Variants in PTPRD observed in about 807,000 individuals in gnomAD.
PTPRD encodes receptor-type tyrosine-protein phosphatase delta.
In PTPRD, 34 loss-of-function variants were observed where a neutral mutation model predicts 214.5. The observed-to-expected ratio is 0.16, with a 90% confidence interval of 0.12 to 0.21. The LOEUF (loss-of-function observed/expected upper bound fraction) is 0.21, where lower values mean the gene tolerates loss of function less well. Ranked by LOEUF, PTPRD falls within the 10% of genes least tolerant of loss-of-function variation. The pLI is 1.00. For missense variants in PTPRD, 2,545 were observed against 2,398.7 expected (o/e 1.06, Z -1.27); for synonymous variants, 1,128 against 845.7 (o/e 1.33, Z -5.79).
At position 9,125,027 on chromosome 9, in the gene PTPRD, A is replaced by ACTGT. The variant is rs536519798; in HGVS notation, c.-143+58273_-143+58276dup. Among the ~76,000 whole-genome samples, 444 of 152,010 alleles carry ACTGT rather than the reference A, an allele frequency of 2.9e-3. 4 individuals are homozygous for ACTGT. The highest frequency in any genetic ancestry group is 9.9e-3 in the African/African-American group (411 of 41,456). On this transcript the variant is annotated intron_variant, in intron 10 of 45. Coordinates refer to ENST00000381196, the MANE Select transcript of PTPRD (RefSeq NM_002839.4). ...CTTCCTGCCATCCCTCCCTTCATCCACTGTCTATCCATTTTCTAGTATCAT... is the reference window on the plus strand; with the variant it reads ...CTTCCTGCCATCCCTCCCTTCATCCACTGTCTGTCTATCCATTTTCTAGTATCAT...
chr9:9,921,635 AT>A (rs142091370), intron 5 of PTPRD, among the ~76,000 whole-genome samples: 20,444 of 145,742 alleles, frequency 0.14, 2,385 homozygotes, highest in African/African-American at 0.33. Flanking sequence ...AAAAGCCCTG[AT>A]TTTTTTTTTT....
At chr9:9,947,374 TTA>T (rs1189365734) in intron 4 of PTPRD, among the ~76,000 whole-genome samples, 1,236 of 50,916 alleles carry the variant, frequency 0.024, 112 homozygotes, top group African/African-American at 0.096. Flanking sequence ...TATATATATA[TTA>T]TATATATTTT....
intron 7 of PTPRD, among the ~76,000 whole-genome samples, chr9:9,580,219 T>A (rs976457008): frequency 6.6e-6 from 1 of 152,182 alleles, no homozygotes; most frequent in African/African-American, 2.4e-5. Context: ...CCTTCGGGTA[T>A]ATATCAAGTA....
chr9:10,482,690 A>G (rs1202895124), intron 2 of PTPRD, among the ~76,000 whole-genome samples: 1 of 152,148 alleles, frequency 6.6e-6, no homozygotes, highest in Admixed American at 6.5e-5. Context: ...TGAGAATCAA[A>G]CCAAGAACCC....
intron 7 of PTPRD, among the ~76,000 whole-genome samples, chr9:9,643,271 T>C (rs2096030085): frequency 6.6e-6 from 1 of 152,138 alleles, no homozygotes; most frequent in African/African-American, 2.4e-5. Flanking sequence ...AATAGAATCT[T>C]GATGACAAAC....
chr9:10,204,320 C>T (rs1410218713), intron 3 of PTPRD, among the ~76,000 whole-genome samples: 1 of 152,106 alleles, frequency 6.6e-6, no homozygotes, highest in Non-Finnish European at 1.5e-5. Context: ...CTCAGAGTAT[C>T]TGTTCCACAC....
intron 5 of PTPRD, among the ~76,000 whole-genome samples, chr9:9,838,525 G>A (rs1339545855): frequency 6.6e-6 from 1 of 151,864 alleles, no homozygotes; most frequent in Non-Finnish European, 1.5e-5. Flanking sequence ...GCCAGTGATG[G>A]TGAGCATTTT....
intron 2 of PTPRD, among the ~76,000 whole-genome samples, chr9:10,523,601 G>GTATATATATA (rs201455705): frequency 0.023 from 1,487 of 64,302 alleles, 103 homozygotes; most frequent in Middle Eastern, 0.057. Flanking sequence ...ATATTTATCT[G>GTATATATATA]TATATATATA....
chr9:8,846,102 T>C (rs2097690028), intron 11 of PTPRD, among the ~76,000 whole-genome samples: 1 of 152,240 alleles, frequency 6.6e-6, no homozygotes, highest in South Asian at 2.1e-4. Flanking sequence ...TATGAGTAGA[T>C]ACACACACTC....
At chr9:8,768,497 G>A (rs1033026957) in intron 11 of PTPRD, among the ~76,000 whole-genome samples, 4 of 152,132 alleles carry the variant, frequency 2.6e-5, no homozygotes, top group African/African-American at 9.7e-5. Flanking sequence ...AGGCTGCAGT[G>A]AGCACAGATT....
At chr9:9,895,081 G>C (rs1462021742) in intron 5 of PTPRD, among the ~76,000 whole-genome samples, 1 of 151,910 alleles carries the variant, frequency 6.6e-6, no homozygotes, top group African/African-American at 2.4e-5. Context: ...TTCCAGATGA[G>C]GGATATGAGT....
At chr9:10,062,066 C>T (rs189516487) in intron 3 of PTPRD, among the ~76,000 whole-genome samples, 57 of 152,064 alleles carry the variant, frequency 3.7e-4, no homozygotes, top group African/African-American at 1.3e-3. Flanking sequence ...GAATAAAAAA[C>T]TAAAATCGTG....
chr9:8,638,423 T>C (rs1354733108), intron 12 of PTPRD, among the ~76,000 whole-genome samples: 2 of 152,282 alleles, frequency 1.3e-5, no homozygotes, highest in East Asian at 1.9e-4. Context: ...AATACATATA[T>C]GGATAATCTT....
chr9:8,651,657 T>G (rs2096812289), intron 12 of PTPRD, among the ~76,000 whole-genome samples: 1 of 152,204 alleles, frequency 6.6e-6, no homozygotes, highest in South Asian at 2.1e-4. Flanking sequence ...CATTCTTGCC[T>G]TCTGTGAACT....
intron 10 of PTPRD, among the ~76,000 whole-genome samples, chr9:9,105,094 T>C (rs2154444445): frequency 6.6e-6 from 1 of 152,340 alleles, no homozygotes; most frequent in South Asian, 2.1e-4. Flanking sequence ...AGCAATTTTC[T>C]GCATCTTTCA....
intron 11 of PTPRD, among the ~76,000 whole-genome samples, chr9:8,778,765 C>A (rs939913289): frequency 6.6e-5 from 10 of 152,046 alleles, no homozygotes; most frequent in African/African-American, 2.4e-4. Context: ...GAGACCGTGG[C>A]TACAATATTC....
At chr9:8,848,212 T>C (rs750296347) in intron 11 of PTPRD, among the ~76,000 whole-genome samples, 4 of 151,212 alleles carry the variant, frequency 2.6e-5, no homozygotes, top group Non-Finnish European at 4.4e-5. Context: ...GGTAAAAAAA[T>C]GTTTTTTTCA....
rs534847223 is a variant in PTPRD, at chr9:10,463,593, T to C, written c.-599-122576A>G. On this transcript the variant is annotated intron_variant, in intron 2 of 45. Coordinates refer to ENST00000381196, the MANE Select transcript of PTPRD (RefSeq NM_002839.4). ...GACCTCAGTACAATTGTTAAGGAAA[T>C]AGTCTTAAATTTCAAGGAAAAAGAG... Among the ~76,000 whole-genome samples the C allele has an allele frequency of 2.1e-4, 32 of 152,126 alleles. No individual in the cohort carries two copies. In the South Asian group the frequency reaches 4.4e-3, roughly 21 times the overall value.
intron 2 of PTPRD, among the ~76,000 whole-genome samples, chr9:10,552,470 T>C (rs1313540720): frequency 6.6e-6 from 1 of 152,132 alleles, no homozygotes; most frequent in African/African-American, 2.4e-5. Context: ...CATTCTTCTG[T>C]CTTTTTTTTC....
Sources: allele counts gnomAD v4.1 joint callset (sites outside exome capture counted in the v4.1 genomes callset), GRCh38; gene constraint gnomAD v4.1.1; transcripts MANE v1.5; gene names NCBI Gene and HGNC (gene_info 2026-07-23, HGNC 2026-07-21).